WWOX: variants seen among roughly 807,000 people sequenced by gnomAD.
WWOX encodes WW domain-containing oxidoreductase.
Under a neutral mutation model 46.2 loss-of-function variants are expected in WWOX, and 69 were observed. The observed-to-expected ratio is 1.49, with a 90% CI of 1.23 to 1.82. The LOEUF is 1.82. Among genes scored for constraint, WWOX ranks in the 40% most tolerant of loss-of-function variants. The probability of loss-of-function intolerance (pLI) is 0.00; values close to 1 mark genes in which losing one functional copy is unlikely to be tolerated. For missense variants in WWOX, 919 were observed against 542.6 expected (o/e 1.69, Z -6.89); for synonymous variants, 359 against 202.6 (o/e 1.77, Z -6.56).
intron 5 of WWOX, among the ~76,000 whole-genome samples, chr16:78,360,886 T>A (rs567597356): frequency 1.3e-5 from 2 of 151,834 alleles, no homozygotes; most frequent in Non-Finnish European, 2.9e-5. Flanking sequence ...AGTGGTACGA[T>A]CATGGGTTAC....
chr16:78,839,128 A>G (rs78839659), intron 8 of WWOX, among the ~76,000 whole-genome samples: 12,448 of 152,212 alleles, frequency 0.082, 612 homozygotes, highest in African/African-American at 0.12. Flanking sequence ...TTATCTCAAA[A>G]ATAAAAACTT....
intron 8 of WWOX, among the ~76,000 whole-genome samples, chr16:78,570,146 T>C (rs2044677500): frequency 6.6e-6 from 1 of 152,198 alleles, no homozygotes. Context: ...GTGGCCTTGT[T>C]TGCCTTTTTT....
intron 8 of WWOX, among the ~76,000 whole-genome samples, chr16:78,841,746 G>T (rs1020010079): frequency 5.9e-5 from 9 of 152,122 alleles, no homozygotes; most frequent in Admixed American, 2.6e-4. Flanking sequence ...CTTTGAAAAT[G>T]TGTACTATTT....
At chr16:79,210,527 C>T (rs1354931850) in intron 8 of WWOX, among the ~76,000 whole-genome samples, 2 of 152,178 alleles carry the variant, frequency 1.3e-5, no homozygotes, top group East Asian at 3.9e-4. Flanking sequence ...TGGGGGCGAG[C>T]TTATCTTCAG....
At chr16:78,569,810 T>A (rs552608495) in intron 8 of WWOX, among the ~76,000 whole-genome samples, 77 of 152,336 alleles carry the variant, frequency 5.1e-4, no homozygotes, top group Non-Finnish European at 9.3e-4. Flanking sequence ...GGCATATCTT[T>A]GGGAGCTGCT....
intron 8 of WWOX, among the ~76,000 whole-genome samples, chr16:78,584,419 C>G (rs529172485): frequency 1.3e-5 from 2 of 152,302 alleles, no homozygotes; most frequent in East Asian, 1.9e-4. Context: ...GTCGCTTAAT[C>G]TCTTAGCTTA....
chr16:78,927,976 T>TG (rs370476030), intron 8 of WWOX, among the ~76,000 whole-genome samples: 3,579 of 151,802 alleles, frequency 0.024, 50 homozygotes, highest in African/African-American at 0.036. Flanking sequence ...CTCAGGGTTT[T>TG]TGTGTGTGTG....
intron 8 of WWOX, among the ~76,000 whole-genome samples, chr16:79,169,106 C>T (rs1363975132): frequency 1.3e-5 from 2 of 152,208 alleles, no homozygotes; most frequent in African/African-American, 4.8e-5. Context: ...CTTAATCCTC[C>T]ACTTCACAAT....
chr16:78,490,876 A>T (rs1191780581), intron 8 of WWOX, among the ~76,000 whole-genome samples: 1 of 152,182 alleles, frequency 6.6e-6, no homozygotes, highest in South Asian at 2.1e-4. Flanking sequence ...CTACTGCAAA[A>T]CAGGACTCAT....
chr16:78,113,897 T>C (rs945546463), intron 3 of WWOX, among the ~76,000 whole-genome samples: 6 of 152,162 alleles, frequency 3.9e-5, no homozygotes, highest in Non-Finnish European at 8.8e-5. Flanking sequence ...TTGGTACTTA[T>C]AGGGAGATGA....
chr16:78,795,796 T>C (rs1038547664), intron 8 of WWOX, among the ~76,000 whole-genome samples: 1 of 152,126 alleles, frequency 6.6e-6, no homozygotes, highest in Non-Finnish European at 1.5e-5. Context: ...TCCTTGAGGA[T>C]GGAATGAGAT....
chr16:78,747,302 T>C (rs1332473971), intron 8 of WWOX, among the ~76,000 whole-genome samples: 2 of 151,534 alleles, frequency 1.3e-5, no homozygotes, highest in South Asian at 4.2e-4. Flanking sequence ...AGCAATTCTC[T>C]AGCCTCAGCC....
rs571920287 is a variant in WWOX, at chr16:78,585,779, C to T, written c.1056+153027C>T. Among the ~76,000 whole-genome samples the T allele has an allele frequency of 1.8e-4, 27 of 151,708 alleles. No homozygotes were observed. In the South Asian group the frequency reaches 5.6e-3, roughly 32 times the overall value. ...GGTCCCTTCCCCTGCAACCCCAAGG[C>T]AGGGGGCAGATTCCCGTATCATGGT... On this transcript the variant is annotated intron_variant, in intron 8 of 8. Transcript: ENST00000566780.
intron 8 of WWOX, among the ~76,000 whole-genome samples, chr16:78,721,148 C>T (rs925498959): frequency 7.2e-5 from 11 of 152,132 alleles, no homozygotes; most frequent in Admixed American, 2.6e-4. Flanking sequence ...GTGGATACCA[C>T]GTGGGATATG....
At chr16:78,435,236 C>G (rs888592064) in intron 8 of WWOX, among the ~76,000 whole-genome samples, 14 of 152,098 alleles carry the variant, frequency 9.2e-5, no homozygotes, top group Non-Finnish European at 1.3e-4. Flanking sequence ...AAGGTTGCAA[C>G]TCAGTGAGCA....
rs563246415 is a variant in WWOX at position 78,948,529 on chromosome 16, T to G, written c.1057-263079T>G. ...GCACCAGACCCCAAGACAGCTCTGC[T>G]GCCTGATTGGTAGGTGCCCATGACA... On this transcript the variant is annotated intron_variant, in intron 8 of 8. Transcript: ENST00000566780. 2.0e-4 allele frequency among the ~76,000 whole-genome samples: 31 copies of G among 152,274 alleles called. No homozygotes were observed. In the East Asian group the frequency reaches 5.6e-3, roughly 28 times the overall value.
chr16:78,835,290 T>G (rs751995442), intron 8 of WWOX, among the ~76,000 whole-genome samples: 31 of 152,234 alleles, frequency 2.0e-4, no homozygotes, highest in South Asian at 4.1e-4. Context: ...GTCTGTAGCT[T>G]TTATCCCTTT....
At chr16:78,155,637 T>A (rs1284715900) in intron 4 of WWOX, among the ~76,000 whole-genome samples, 1 of 152,250 alleles carries the variant, frequency 6.6e-6, no homozygotes, top group Non-Finnish European at 1.5e-5. Flanking sequence ...AACACACTCT[T>A]GCCATCTCCA....
intron 8 of WWOX, among the ~76,000 whole-genome samples, chr16:78,547,151 A>AC (rs1567635747): frequency 4.2e-5 from 5 of 117,958 alleles, no homozygotes; most frequent in Non-Finnish European, 7.7e-5. Flanking sequence ...AAAAAAAAAA[A>AC]AAAAAAAACA....
Sources: gnomAD v4.1 joint callset for allele counts (sites outside exome capture counted in the v4.1 genomes callset) on GRCh38, gnomAD v4.1.1 for gene constraint, MANE v1.5 for transcripts, NCBI Gene and HGNC (gene_info 2026-07-23, HGNC 2026-07-21) for gene names.